The following PCDHGA4 variants were observed in gnomAD, a reference collection of about 807,000 sequenced individuals.
PCDHGA4 encodes protocadherin gamma-A4.
Under a neutral mutation model 54.6 loss-of-function variants are expected in PCDHGA4, and 38 were observed. The ratio of observed to expected loss-of-function variants is 0.70; its 90% CI spans 0.54 to 0.91. PCDHGA4 has a LOEUF of 0.91. Among genes scored for constraint, PCDHGA4 ranks in the 40% least tolerant of loss-of-function variants. The probability of loss-of-function intolerance (pLI) is 0.00; values close to 1 mark genes in which losing one functional copy is unlikely to be tolerated. For synonymous variants in PCDHGA4, 511 were observed against 512.9 expected, an observed-to-expected ratio of 1.00 and a Z score of 0.05; for missense variants, 1,298 against 1,220.9, an observed-to-expected ratio of 1.06 and a Z score of -0.94.
At chr5:141,398,314 A>C in intron 1 of PCDHGA4, 1 of 1,348,682 alleles carries the variant, frequency 7.4e-7, no homozygotes, top group Non-Finnish European at 1.0e-6. Context: ...GGAGTTACCG[A>C]CTCGAAAACT....
chr5:141,443,999 T>C (rs2098413024), intron 1 of PCDHGA4, among the ~76,000 whole-genome samples: 1 of 152,136 alleles, frequency 6.6e-6, no homozygotes, highest in Non-Finnish European at 1.5e-5. Context: ...TTTTAAATGC[T>C]ACCTGGGTAT....
At chr5:141,375,991 C>T (rs770239249) in intron 1 of PCDHGA4, 3 of 1,613,448 alleles carry the variant, frequency 1.9e-6, no homozygotes, top group Non-Finnish European at 1.7e-6. Context: ...TGGACAGAGA[C>T]GCGCTCAAGC....
intron 1 of PCDHGA4, chr5:141,403,462 C>A: frequency 6.2e-7 from 1 of 1,614,050 alleles, no homozygotes; most frequent in South Asian, 1.1e-5. Flanking sequence ...TCCAGAGCTA[C>A]CAGCTCAGCC....
chr5:141,459,444 T>C (rs1485634547), intron 1 of PCDHGA4, among the ~76,000 whole-genome samples: 1 of 152,244 alleles, frequency 6.6e-6, no homozygotes, highest in Non-Finnish European at 1.5e-5. Context: ...TTCATTCAAC[T>C]GTTGGTGGAC....
At position 141,491,201 on chromosome 5, in the gene PCDHGA4, C is replaced by T. The variant is rs752813291; in HGVS notation, c.2515-3606C>T. The T allele has an allele frequency of 3.7e-6, 6 of 1,614,226 alleles. No homozygotes were observed. The Admixed American group carries it at 5.0e-5, about 13-fold the overall frequency. On this transcript the variant is annotated intron_variant, in intron 1 of 3. Transcript: ENST00000571252. This position sits in a 1 kb window ranked among gnomAD's most constrained non-coding sequence, Gnocchi z 6.9. ...GTCCTGGTGAGGGACAATGGTGACCCTTCACTCTCCTCCACAGCCACAGTG... is the reference window on the plus strand; with the variant it reads ...GTCCTGGTGAGGGACAATGGTGACCTTTCACTCTCCTCCACAGCCACAGTG...
intron 1 of PCDHGA4, among the ~76,000 whole-genome samples, chr5:141,460,454 T>C (rs1010186960): frequency 6.6e-6 from 1 of 152,194 alleles, no homozygotes; most frequent in Admixed American, 6.6e-5. Context: ...TGAAGATTCA[T>C]ATTTTTTTCC....
At chr5:141,399,002 C>G in intron 1 of PCDHGA4, 6 of 1,613,830 alleles carry the variant, frequency 3.7e-6, no homozygotes, top group Non-Finnish European at 4.2e-6. Context: ...AGTCTGAATT[C>G]AAAGAGCGGA....
Position 141,511,502 on chromosome 5 carries a change from A to C in PCDHGA4, c.*329A>C. The C allele has an allele frequency of 2.0e-5, 8 of 395,260 alleles. No individual in the cohort carries two copies. The highest frequency in any genetic ancestry group is 4.1e-5 in the African/African-American group (2 of 48,892). The allele number at this position is 395,260 out of a possible 1,614,324, so 24.5% of individuals were successfully genotyped here. A position where few individuals can be genotyped will look rare whatever the true frequency, so the allele number is the denominator to read the frequency against. ...CTGAACTCCTCCATCTTCCAAATCA[A>C]TCAGGCCCATCCATCCCATGCCTCC... On this transcript the variant is annotated 3_prime_UTR_variant, in exon 4 of 4. Transcript: ENST00000571252.
chr5:141,454,796 A>ATTTTTCT (rs2098799790), intron 1 of PCDHGA4, among the ~76,000 whole-genome samples: 1 of 77,408 alleles, frequency 1.3e-5, no homozygotes, highest in African/African-American at 5.9e-5. Context: ...CATGGTTCTA[A>ATTTTTCT]TTTTTTTTTT....
At chr5:141,408,301 C>A in intron 1 of PCDHGA4, 1 of 1,613,756 alleles carries the variant, frequency 6.2e-7, no homozygotes, top group Non-Finnish European at 8.5e-7. Flanking sequence ...GTGAGCCGAT[C>A]CGCTACTCGA....
At chr5:141,428,141 G>A (rs1314061143) in intron 1 of PCDHGA4, 1 of 1,596,618 alleles carries the variant, frequency 6.3e-7, no homozygotes, top group Non-Finnish European at 8.6e-7. Context: ...GCCTGGGGCT[G>A]CACACGGGAA....
intron 1 of PCDHGA4, chr5:141,396,655 C>T (rs1589287485): frequency 6.6e-6 from 1 of 152,052 alleles, no homozygotes; most frequent in South Asian, 2.1e-4. Context: ...AGTAAAAACT[C>T]GGTATAGGCT....
In PCDHGA4 at chr5:141,489,449, A is replaced by G; in HGVS notation, c.2515-5358A>G. The G allele has an allele frequency of 6.2e-7, 1 of 1,614,056 alleles. No homozygotes were observed. Among genetic ancestry groups the G allele is most frequent in the Non-Finnish European group, 8.5e-7 (1 of 1,180,016 alleles). On this transcript the variant is annotated intron_variant, in intron 1 of 3. Coordinates refer to ENST00000571252, the MANE Select transcript of PCDHGA4 (RefSeq NM_018917.4). This position sits in a 1 kb window ranked among gnomAD's most constrained non-coding sequence, Gnocchi z 4.5. ...CGGCGGCTGCAATTGGGCTCTGAGG[A>G]GAATGGGCGCTATTTTTCCCTGAGC...
chr5:141,456,103 T>C lies in PCDHGA4; in HGVS notation c.2515-38704T>C, dbSNP rs185224428. Among the ~76,000 whole-genome samples the C allele has an allele frequency of 2.6e-3, 390 of 152,142 alleles. 3 individuals are homozygous for C. The highest frequency in any genetic ancestry group is 6.7e-3 in the Admixed American group (103 of 15,290). On this transcript the variant is annotated intron_variant, in intron 1 of 3. Coordinates refer to ENST00000571252, the MANE Select transcript of PCDHGA4 (RefSeq NM_018917.4). The stretch of plus-strand genomic sequence containing the variant: ...CAGTAGAGACGGGATTTCACCGTGT[T>C]AGCCAGGATGGTCTCCATCTCCTGA...
chr5:141,393,744 G>T (rs770821376), intron 1 of PCDHGA4: 3 of 1,613,868 alleles, frequency 1.9e-6, no homozygotes, highest in South Asian at 2.2e-5. Context: ...AGATTATGAA[G>T]AATGTTCATT....
At chr5:141,409,772 C>T (rs2095314133) in intron 1 of PCDHGA4, 1 of 1,612,736 alleles carries the variant, frequency 6.2e-7, no homozygotes, top group Non-Finnish European at 8.5e-7. Flanking sequence ...TGATCACGAG[C>T]AGCTGCGCGC....
rs1364667381 is a variant in PCDHGA4, at chr5:141,355,397, T to C, written c.290T>C (p.Ile97Thr). The change falls in exon 1 of 4, where the codon ATC (isoleucine) becomes ACC (threonine). Residue 97 changes from isoleucine (I) to threonine (T), a missense_variant. Ile to Thr is a moderately conservative substitution (Grantham distance 89). Transcript: ENST00000571252. ...GAGCTGGCGGAGCGCGGAGTCCGCATCGTCTCCAGAGGTAGGACGCAGCTT... is the reference window on the plus strand; with the variant it reads ...GAGCTGGCGGAGCGCGGAGTCCGCACCGTCTCCAGAGGTAGGACGCAGCTT... ...PRELAERGVR[I>T]VSRGRTQLFA... 2 of 1,614,048 alleles carry C rather than the reference T, an allele frequency of 1.2e-6. No homozygotes were observed. The highest frequency in any genetic ancestry group is 1.7e-6 in the Non-Finnish European group (2 of 1,179,918).
At chr5:141,404,672 G>T in intron 1 of PCDHGA4, 1 of 1,614,156 alleles carries the variant, frequency 6.2e-7, no homozygotes, top group Non-Finnish European at 8.5e-7. Flanking sequence ...TGGTTCTACT[G>T]GTGTGGAGCT....
At chr5:141,383,729 TGA>T (rs1406908014) in intron 1 of PCDHGA4, 3 of 1,613,866 alleles carry the variant, frequency 1.9e-6, no homozygotes, top group Non-Finnish European at 2.5e-6. Flanking sequence ...AATGGGGAAG[TGA>T]CATATTCTTT....
Sources: gnomAD v4.1 joint callset for allele counts (sites outside exome capture counted in the v4.1 genomes callset) on GRCh38, gnomAD v4.1.1 for gene constraint, Gnocchi (gnomAD v3.1) non-coding constraint, MANE v1.5 for transcripts, NCBI Gene and HGNC (gene_info 2026-07-23, HGNC 2026-07-21) for gene names.